The following MTCL3 variants were observed in gnomAD, a reference collection of about 807,000 sequenced individuals.
MTCL3 encodes the protein microtubule cross-linking factor 3.
At chr6:127,491,809 T>A in the MTCL3 span, among the ~76,000 whole-genome samples, 2 of 144,814 alleles carry the variant, frequency 1.4e-5, no homozygotes, top group Admixed American at 1.5e-4. Context: ...AGTTCGAGGC[T>A]GCAGTAAACT....
the MTCL3 span, among the ~76,000 whole-genome samples, chr6:127,494,397 G>A: frequency 6.6e-6 from 1 of 152,116 alleles, no homozygotes; most frequent in Admixed American, 6.6e-5. Context: ...GGCTTCTCTT[G>A]TTAATGGGAT....
chr6:127,507,842 CAAAAAAAAAAAAAAAAAAAA>C, the MTCL3 span, among the ~76,000 whole-genome samples: 2 of 82,088 alleles, frequency 2.4e-5, no homozygotes, highest in Non-Finnish European at 4.4e-5. Context: ...GACTATGTCT[CAAAAAAAAAAAAAAAAAAAA>C]AAAAAAAAGA....
chr6:127,503,243 G>T, the MTCL3 span, among the ~76,000 whole-genome samples: 1 of 152,144 alleles, frequency 6.6e-6, no homozygotes, highest in African/African-American at 2.4e-5. Flanking sequence ...TGTGGGCCTG[G>T]CCTGCTAACT....
the MTCL3 span, chr6:127,475,311 C>T: frequency 9.3e-6 from 15 of 1,607,816 alleles, no homozygotes; most frequent in East Asian, 1.1e-4. This position sits in a 1 kb window ranked among gnomAD's most constrained non-coding sequence, Gnocchi z 7.3. Context: ...CGGAAATGGG[C>T]TCCTCGGCGC....
chr6:127,492,726 G>A, the MTCL3 span, among the ~76,000 whole-genome samples: 4 of 152,088 alleles, frequency 2.6e-5, no homozygotes, highest in African/African-American at 2.4e-5. Context: ...GTTTCACCGT[G>A]TTAGCCAGGG....
the MTCL3 span, chr6:127,475,316 C>T: frequency 6.2e-6 from 10 of 1,609,658 alleles, no homozygotes; most frequent in Non-Finnish European, 8.5e-6. This position sits in a 1 kb window ranked among gnomAD's most constrained non-coding sequence, Gnocchi z 7.3. Context: ...ATGGGCTCCT[C>T]GGCGCCGCGG....
chr6:127,502,325 G>C, the MTCL3 span, among the ~76,000 whole-genome samples: 1 of 152,170 alleles, frequency 6.6e-6, no homozygotes, highest in Non-Finnish European at 1.5e-5. Context: ...GTAGAAGAGA[G>C]ATATTTAACA....
chr6:127,517,793 T>C, the MTCL3 span: 1 of 152,336 alleles, frequency 6.6e-6, no homozygotes, highest in South Asian at 2.1e-4. Flanking sequence ...TACTGCCTCA[T>C]GGGTTCCTCT....
At chr6:127,513,658 A>G in the MTCL3 span, among the ~76,000 whole-genome samples, 1 of 152,152 alleles carries the variant, frequency 6.6e-6, no homozygotes, top group Non-Finnish European at 1.5e-5. Context: ...ATTATCCTGG[A>G]AATTCTAGGG....
At chr6:127,499,918 A>G in the MTCL3 span, among the ~76,000 whole-genome samples, 1 of 152,136 alleles carries the variant, frequency 6.6e-6, no homozygotes, top group South Asian at 2.1e-4. Context: ...AGTCCCCTTC[A>G]GGCGATAGAT....
the MTCL3 span, among the ~76,000 whole-genome samples, chr6:127,511,041 G>A: frequency 4.6e-5 from 7 of 152,202 alleles, no homozygotes; most frequent in African/African-American, 1.7e-4. Flanking sequence ...CCTTAGGGAA[G>A]ACCCTAATCT....
the MTCL3 span, among the ~76,000 whole-genome samples, chr6:127,503,939 T>C: frequency 6.6e-6 from 1 of 152,218 alleles, no homozygotes; most frequent in Non-Finnish European, 1.5e-5. Flanking sequence ...TTGAAATTAC[T>C]TATTGTTTAT....
the MTCL3 span, among the ~76,000 whole-genome samples, chr6:127,518,174 C>A: frequency 6.6e-6 from 1 of 152,306 alleles, no homozygotes; most frequent in East Asian, 1.9e-4. Flanking sequence ...CTCCCAGTCG[C>A]GATACTACTA....
At chr6:127,478,586 CA>C in the MTCL3 span, among the ~76,000 whole-genome samples, 1 of 152,152 alleles carries the variant, frequency 6.6e-6, no homozygotes, top group African/African-American at 2.4e-5. Context: ...ATCTCAGGCT[CA>C]TGATTAGATT....
At chr6:127,484,172 G>T in the MTCL3 span, among the ~76,000 whole-genome samples, 1 of 152,086 alleles carries the variant, frequency 6.6e-6, no homozygotes, top group Non-Finnish European at 1.5e-5. Context: ...TCATAAATTC[G>T]CAAAGAAATG....
the MTCL3 span, among the ~76,000 whole-genome samples, chr6:127,504,435 G>A: frequency 2.0e-5 from 3 of 152,172 alleles, no homozygotes; most frequent in African/African-American, 4.8e-5. Flanking sequence ...CTAAGTGAAA[G>A]TCAGGTCCAA....
At chr6:127,478,408 T>G in the MTCL3 span, among the ~76,000 whole-genome samples, 2 of 152,308 alleles carry the variant, frequency 1.3e-5, no homozygotes, top group African/African-American at 4.8e-5. Flanking sequence ...CTCACGACAT[T>G]CTCATGACAA....
At chr6:127,512,437 T>C in the MTCL3 span, among the ~76,000 whole-genome samples, 1 of 152,144 alleles carries the variant, frequency 6.6e-6, no homozygotes, top group African/African-American at 2.4e-5. Flanking sequence ...TTGCTATATA[T>C]AGACTTCAAG....
chr6:127,492,735 G>C, the MTCL3 span, among the ~76,000 whole-genome samples: 1 of 152,150 alleles, frequency 6.6e-6, no homozygotes, highest in South Asian at 2.1e-4. Context: ...TGTTAGCCAG[G>C]GTGGTCTCAA....
Sources: gnomAD v4.1 joint callset for allele counts (sites outside exome capture counted in the v4.1 genomes callset) on GRCh38, gnomAD v4.1.1 for gene constraint, Gnocchi (gnomAD v3.1) non-coding constraint, MANE v1.5 for transcripts, NCBI Gene and HGNC (gene_info 2026-07-23, HGNC 2026-07-21) for gene names.